The following SCD5 variants were observed in gnomAD, a reference collection of about 807,000 sequenced individuals.
SCD5 encodes the protein stearoyl-CoA desaturase 5, also known as acyl-CoA-desaturase 4.
In SCD5, 20 loss-of-function variants were observed where a neutral mutation model predicts 30.4. That is an observed-to-expected ratio of 0.66 (90% CI 0.46 to 0.96). SCD5 has a LOEUF of 0.96. Ranked by LOEUF, SCD5 falls within the 40% of genes least tolerant of loss-of-function variation. SCD5 has a pLI of 0.00. For synonymous variants in SCD5, 173 were observed against 176.4 expected, an observed-to-expected ratio of 0.98 and a Z score of 0.16; for missense variants, 381 against 443.3, an observed-to-expected ratio of 0.86 and a Z score of 1.26.
chr4:82,706,614 C>T (rs954586243), intron 1 of SCD5, among the ~76,000 whole-genome samples: 4 of 152,258 alleles, frequency 2.6e-5, no homozygotes, highest in Non-Finnish European at 5.9e-5. Flanking sequence ...TGAGCCAATC[C>T]TTTTCCCTCT....
intron 3 of SCD5, among the ~76,000 whole-genome samples, chr4:82,648,185 AG>A (rs1453429439): frequency 6.6e-6 from 1 of 152,250 alleles, no homozygotes; most frequent in Admixed American, 6.5e-5. Flanking sequence ...ACTGAACCTC[AG>A]GACATTCCCT....
At chr4:82,778,238 G>A (rs903641430) in intron 1 of SCD5, among the ~76,000 whole-genome samples, 2 of 152,018 alleles carry the variant, frequency 1.3e-5, no homozygotes, top group African/African-American at 2.4e-5. Flanking sequence ...GTGAGGGGAG[G>A]GAACTTAGAG....
intron 1 of SCD5, among the ~76,000 whole-genome samples, chr4:82,715,402 C>T (rs373750082): frequency 1.3e-5 from 2 of 151,460 alleles, no homozygotes. Context: ...CCCAGGAGGC[C>T]GGCCTGTGCT....
At chr4:82,741,859 G>A (rs534890757) in intron 1 of SCD5, among the ~76,000 whole-genome samples, 1 of 142,528 alleles carries the variant, frequency 7.0e-6, no homozygotes, top group East Asian at 2.2e-4. Context: ...TGGGCGGGGG[G>A]GGGGAGTGGG....
intron 3 of SCD5, among the ~76,000 whole-genome samples, chr4:82,654,738 A>G (rs1727834402): frequency 6.6e-6 from 1 of 152,144 alleles, no homozygotes; most frequent in African/African-American, 2.4e-5. Flanking sequence ...TCAATGTGAT[A>G]CTTCCCGCTG....
At chr4:82,666,375 G>A (rs930809374) in intron 3 of SCD5, among the ~76,000 whole-genome samples, 1 of 152,124 alleles carries the variant, frequency 6.6e-6, no homozygotes, top group Non-Finnish European at 1.5e-5. Context: ...TGTTAGCCGG[G>A]CGTGGTGGCG....
intron 3 of SCD5, among the ~76,000 whole-genome samples, chr4:82,667,282 A>G (rs957017446): frequency 6.9e-6 from 1 of 145,844 alleles, no homozygotes; most frequent in African/African-American, 2.6e-5. Flanking sequence ...ACACACACAC[A>G]CACACGCACG....
chr4:82,678,663 TCTA>T (rs1376153761), intron 3 of SCD5, among the ~76,000 whole-genome samples: 1 of 152,184 alleles, frequency 6.6e-6, no homozygotes, highest in Non-Finnish European at 1.5e-5. Flanking sequence ...GACAATGGTG[TCTA>T]CAATACAATC....
intron 3 of SCD5, among the ~76,000 whole-genome samples, chr4:82,642,626 T>C (rs886981232): frequency 6.6e-6 from 1 of 152,236 alleles, no homozygotes; most frequent in African/African-American, 2.4e-5. Flanking sequence ...ACAGCATTCC[T>C]GTAGCATGTT....
chr4:82,673,940 T>A (rs897727206), intron 3 of SCD5, among the ~76,000 whole-genome samples: 2 of 152,144 alleles, frequency 1.3e-5, no homozygotes, highest in African/African-American at 4.8e-5. Flanking sequence ...CTGGAACAAC[T>A]GGACATTTGC....
intron 2 of SCD5, among the ~76,000 whole-genome samples, chr4:82,697,131 G>A (rs1000780040): frequency 9.2e-5 from 14 of 152,174 alleles, no homozygotes; most frequent in African/African-American, 2.4e-4. Flanking sequence ...AAAGAAGACA[G>A]GATGAAACAC....
intron 1 of SCD5, among the ~76,000 whole-genome samples, chr4:82,707,033 T>G (rs1719985610): frequency 1.3e-5 from 2 of 152,258 alleles, no homozygotes; most frequent in African/African-American, 4.8e-5. Context: ...TTTTCCTATT[T>G]TGACAGTGCT....
chr4:82,767,067 C>T lies in SCD5; in HGVS notation c.232+31239G>A, dbSNP rs908181983. Among the ~76,000 whole-genome samples, 34 of 152,126 alleles carry T rather than the reference C, an allele frequency of 2.2e-4. 1 individual carries two copies. The highest frequency in any genetic ancestry group is 2.1e-4 in the South Asian group (1 of 4,822). The stretch of plus-strand genomic sequence containing the variant: ...CCATGAATTATGAGGTTTTCCATTC[C>T]GGCTGGTGGGAATACAGTTTTCCCA... On this transcript the variant is annotated intron_variant, in intron 1 of 4. Coordinates refer to ENST00000319540, the MANE Select transcript of SCD5 (RefSeq NM_001037582.3).
At chr4:82,666,926 T>C (rs1002195916) in intron 3 of SCD5, among the ~76,000 whole-genome samples, 2 of 152,150 alleles carry the variant, frequency 1.3e-5, no homozygotes, top group African/African-American at 4.8e-5. Flanking sequence ...ATAATGCAGG[T>C]ACATAGTAAG....
chr4:82,710,857 T>TGA (rs199691110), intron 1 of SCD5, among the ~76,000 whole-genome samples: 1,922 of 139,814 alleles, frequency 0.014, 43 homozygotes, highest in African/African-American at 0.049. Context: ...AGAGAGAAAA[T>TGA]GAGAGAGAGA....
chr4:82,751,221 A>G (rs1047327255), intron 1 of SCD5, among the ~76,000 whole-genome samples: 1 of 152,172 alleles, frequency 6.6e-6, no homozygotes, highest in Non-Finnish European at 1.5e-5. Flanking sequence ...TTAGAGACAG[A>G]GTCTCACTCT....
chr4:82,746,821 A>T (rs1720993267), intron 1 of SCD5, among the ~76,000 whole-genome samples: 1 of 152,112 alleles, frequency 6.6e-6, no homozygotes, highest in Non-Finnish European at 1.5e-5. Context: ...TCCTGCGCCC[A>T]TGGACCCAAG....
Position 82,655,525 on chromosome 4 carries a change from G to A in SCD5, c.570-18702C>T, listed in dbSNP as rs112894777. On this transcript the variant is annotated intron_variant, in intron 3 of 4. Coordinates refer to ENST00000319540, the MANE Select transcript of SCD5 (RefSeq NM_001037582.3). ...AGTGTCTTTAAGTCGCTGCTAAAAA[G>A]ATGCACATAATTAGGATGAAAACAA... Among the ~76,000 whole-genome samples the A allele has an allele frequency of 6.5e-3, 986 of 152,284 alleles. 10 individuals carry two copies. Among genetic ancestry groups the A allele is most frequent in the Middle Eastern group, 0.017 (5 of 294 alleles).
rs897619335 is a variant in SCD5 at position 82,691,578 on chromosome 4, T to C, written c.364-10666A>G. On this transcript the variant is annotated intron_variant, in intron 2 of 4. Coordinates refer to ENST00000319540, the MANE Select transcript of SCD5 (RefSeq NM_001037582.3). The stretch of plus-strand genomic sequence containing the variant: ...TCTTGGCACAGAGGTTTAAAAACCC[T>C]TGGAATTTCCTGATAGGAAATTCCA... 3.3e-5 allele frequency among the ~76,000 whole-genome samples: 5 copies of C among 152,158 alleles called. No individual in the cohort carries two copies. In the South Asian group the frequency reaches 1.0e-3, roughly 32 times the overall value.
Sources: gnomAD v4.1 joint callset for allele counts (sites outside exome capture counted in the v4.1 genomes callset) on GRCh38, gnomAD v4.1.1 for gene constraint, MANE v1.5 for transcripts, NCBI Gene and HGNC (gene_info 2026-07-23, HGNC 2026-07-21) for gene names.